Variants in DPP6 observed in about 807,000 individuals in gnomAD.
DPP6 encodes the protein A-type potassium channel modulatory protein DPP6.
Under a neutral mutation model 122.6 loss-of-function variants are expected in DPP6, and 69 were observed. The ratio of observed to expected loss-of-function variants is 0.56; its 90% CI spans 0.46 to 0.69. The LOEUF is 0.69. Ranked by LOEUF, DPP6 falls within the 30% of genes least tolerant of loss-of-function variation. The probability of loss-of-function intolerance (pLI) is 0.00; values close to 1 mark genes in which losing one functional copy is unlikely to be tolerated. For missense variants in DPP6, 928 were observed against 1,116.9 expected (o/e 0.83, Z 2.41); for synonymous variants, 418 against 433.1 (o/e 0.97, Z 0.43).
At chr7:154,649,431 C>T (rs1269137716) in intron 6 of DPP6, among the ~76,000 whole-genome samples, 1 of 152,204 alleles carries the variant, frequency 6.6e-6, no homozygotes, top group African/African-American at 2.4e-5. Flanking sequence ...GTAAATGCAC[C>T]TTTAACTAGA....
the DPP6 span, among the ~76,000 whole-genome samples, chr7:153,831,016 T>A: frequency 6.6e-6 from 1 of 152,172 alleles, no homozygotes; most frequent in Non-Finnish European, 1.5e-5. Context: ...AAAGGAAGAT[T>A]TTCATGGAAT....
intron 1 of DPP6, among the ~76,000 whole-genome samples, chr7:153,902,415 G>C (rs1034437317): frequency 6.6e-6 from 1 of 152,136 alleles, no homozygotes; most frequent in Non-Finnish European, 1.5e-5. Context: ...CAGGGGTTCT[G>C]TCTCCCTTGA....
At chr7:153,820,496 T>C in the DPP6 span, among the ~76,000 whole-genome samples, 5 of 152,306 alleles carry the variant, frequency 3.3e-5, no homozygotes, top group Admixed American at 6.5e-5. Flanking sequence ...ACATCCATCA[T>C]CTCTGAAGAT....
At chr7:154,318,293 C>T (rs148600565) in intron 1 of DPP6, among the ~76,000 whole-genome samples, 6 of 152,292 alleles carry the variant, frequency 3.9e-5, no homozygotes, top group African/African-American at 9.6e-5. Flanking sequence ...ACTCAATATT[C>T]GTCTCCCTCG....
chr7:154,157,644 C>T (rs1300070325), intron 1 of DPP6, among the ~76,000 whole-genome samples: 1 of 152,038 alleles, frequency 6.6e-6, no homozygotes, highest in East Asian at 1.9e-4. Context: ...AATATTTGTA[C>T]TTATTTGGGC....
At chr7:154,442,426 C>T (rs1021016266) in intron 1 of DPP6, among the ~76,000 whole-genome samples, 11 of 152,066 alleles carry the variant, frequency 7.2e-5, no homozygotes, top group Non-Finnish European at 1.0e-4. Context: ...AGACTTCCTA[C>T]GATGTCAGAG....
chr7:154,227,919 C>A (rs934717824), intron 1 of DPP6, among the ~76,000 whole-genome samples: 2 of 152,190 alleles, frequency 1.3e-5, no homozygotes, highest in Non-Finnish European at 2.9e-5. Context: ...ACTAAAGCTA[C>A]AATTTATTTA....
At chr7:154,438,416 G>C (rs1419644143) in intron 1 of DPP6, among the ~76,000 whole-genome samples, 3 of 128,816 alleles carry the variant, frequency 2.3e-5, no homozygotes, top group Non-Finnish European at 3.1e-5. Flanking sequence ...CTTGCAGTGA[G>C]TCGAGATAGC....
In DPP6 at chr7:154,403,300, G is replaced by A. The variant is rs767854927; in HGVS notation, c.244-42914G>A. Among the ~76,000 whole-genome samples, 2 of 152,134 alleles carry A rather than the reference G, an allele frequency of 1.3e-5. No homozygotes were observed. The highest frequency in any genetic ancestry group is 2.9e-5 in the Non-Finnish European group (2 of 68,016). On this transcript the variant is annotated intron_variant, in intron 1 of 25. Coordinates refer to ENST00000377770, the MANE Select transcript of DPP6 (RefSeq NM_130797.4). This position sits in a 1 kb window ranked among gnomAD's most constrained non-coding sequence, Gnocchi z 4.1. ...GGAGGTTGCTGTGTGATAGAGTGCGGGGGAATCAGGACACCGCCCACCGCT... is the reference window on the plus strand; with the variant it reads ...GGAGGTTGCTGTGTGATAGAGTGCGAGGGAATCAGGACACCGCCCACCGCT...
rs1472660142 is a variant in DPP6 at position 154,063,054 on chromosome 7, A to G, written c.243+9991A>G. Among the ~76,000 whole-genome samples the G allele has an allele frequency of 4.0e-4, 47 of 116,666 alleles. 1 individual carries two copies. The highest frequency in any genetic ancestry group is 6.3e-3 in the Middle Eastern group (1 of 158). 76.5% of individuals were successfully genotyped at this position (116,666 alleles called of 152,430 possible). A position where few individuals can be genotyped will look rare whatever the true frequency, so the allele number is the denominator to read the frequency against. ...ATCACAGGAGGGGGAGGCACCCCCC[A>G]CGAGAGTGGGGACTGAGAGCTATCC... On this transcript the variant is annotated intron_variant, in intron 1 of 25. Transcript: ENST00000377770.
chr7:154,810,925 A>G (rs530235270), intron 16 of DPP6, among the ~76,000 whole-genome samples: 1 of 152,246 alleles, frequency 6.6e-6, no homozygotes, highest in African/African-American at 2.4e-5. Context: ...AATAGATCTC[A>G]GAGCATCTAA....
chr7:154,772,724 A>G (rs566671542), intron 9 of DPP6, 121 bp from the exon 10 acceptor site: 74 of 1,355,828 alleles, frequency 5.5e-5, no homozygotes, highest in Non-Finnish European at 7.4e-5. Context: ...CTGCTCCTTA[A>G]TATGGAGCTC....
chr7:154,639,925 C>T (rs1350388045), intron 6 of DPP6, among the ~76,000 whole-genome samples: 1 of 152,126 alleles, frequency 6.6e-6, no homozygotes, highest in Non-Finnish European at 1.5e-5. Context: ...CTACTGTATG[C>T]TTGAGTCTCA....
chr7:154,847,441 T>C (rs1294918393), intron 16 of DPP6, among the ~76,000 whole-genome samples: 1 of 152,208 alleles, frequency 6.6e-6, no homozygotes, highest in Non-Finnish European at 1.5e-5. Flanking sequence ...CGTAGCTATT[T>C]GTTATGTCTT....
chr7:154,154,827 C>T (rs1796601833), intron 1 of DPP6, among the ~76,000 whole-genome samples: 1 of 152,206 alleles, frequency 6.6e-6, no homozygotes, highest in Non-Finnish European at 1.5e-5. Context: ...TCAGGATCTC[C>T]TTTGAAGGAG....
At chr7:154,612,867 T>C (rs62477220) in intron 5 of DPP6, among the ~76,000 whole-genome samples, 61,502 of 152,120 alleles carry the variant, frequency 0.4, 13,454 homozygotes, top group East Asian at 0.65. Context: ...CTTATTGTCT[T>C]ATTTGGGCTA....
intron 7 of DPP6, among the ~76,000 whole-genome samples, chr7:154,698,559 A>G (rs1346714414): frequency 1.3e-5 from 2 of 152,234 alleles, no homozygotes; most frequent in African/African-American, 4.8e-5. Context: ...ATTTAATTGC[A>G]TAGCTATTTA....
At chr7:154,115,366 G>T (rs1323803586) in intron 1 of DPP6, among the ~76,000 whole-genome samples, 1 of 152,206 alleles carries the variant, frequency 6.6e-6, no homozygotes, top group African/African-American at 2.4e-5. Flanking sequence ...GATGAATTTT[G>T]TCAAAGGACT....
At position 153,963,183 on chromosome 7, in the gene DPP6, G is replaced by A. The variant is rs78126483; in HGVS notation, c.51+75449G>A. 3.3e-5 allele frequency among the ~76,000 whole-genome samples: 5 copies of A among 152,254 alleles called. No homozygotes were observed. The East Asian group carries it at 9.7e-4, about 29-fold the overall frequency. The stretch of plus-strand genomic sequence containing the variant: ...AGCTAATGTGAGGGTAGGAGGGAAG[G>A]TGAGGCAGAAGAGGTGAAAAGAAAG... On this transcript the variant is annotated intron_variant, in intron 1 of 25. Coordinates refer to the DPP6 transcript ENST00000404039.
Sources: gnomAD v4.1 joint callset for allele counts (sites outside exome capture counted in the v4.1 genomes callset) on GRCh38, gnomAD v4.1.1 for gene constraint, Gnocchi (gnomAD v3.1) non-coding constraint, MANE v1.5 for transcripts, NCBI Gene and HGNC (gene_info 2026-07-23, HGNC 2026-07-21) for gene names.